Variants in RET observed in about 807,000 individuals in gnomAD.
The protein encoded by RET is ret proto-oncogene, also known as proto-oncogene tyrosine-protein kinase receptor Ret.
A neutral mutation model predicts 118.3 loss-of-function variants in RET; 19 were observed. That is an observed-to-expected ratio of 0.16 (90% CI 0.11 to 0.24). The LOEUF is 0.24. RET is among the 10% of genes least tolerant of loss of function. The probability of loss-of-function intolerance (pLI) is 1.00; values close to 1 mark genes in which losing one functional copy is unlikely to be tolerated. For missense variants in RET, 1,219 were observed against 1,502.1 expected (o/e 0.81, Z 3.12); for synonymous variants, 597 against 644.1 (o/e 0.93, Z 1.11).
intron 3 of RET, chr10:43,104,686 T>C: frequency 1.7e-6 from 1 of 593,230 alleles, no homozygotes; most frequent in East Asian, 2.9e-5. Flanking sequence ...GTCCTGGCTC[T>C]TCCCAACCAG....
intron 11 of RET, among the ~76,000 whole-genome samples, chr10:43,115,635 C>T (rs1229739041): frequency 1.3e-5 from 2 of 152,232 alleles, no homozygotes; most frequent in Non-Finnish European, 2.9e-5. Flanking sequence ...CCAGGAAGGC[C>T]GCACTGGTCT....
chr10:43,121,901 G>T, intron 15 of RET, 45 bp from the exon 16 acceptor site: 1 of 1,466,500 alleles, frequency 6.8e-7, no homozygotes, highest in Non-Finnish European at 9.6e-7. Context: ...CTCCTTCCTA[G>T]AGAGTTAGAG....
rs200328158 is a variant in RET, at chr10:43,100,586, C to T, written c.201C>T (p.Arg67=). The T allele has an allele frequency of 6.2e-7, 1 of 1,613,930 alleles. No individual in the cohort carries two copies. Among genetic ancestry groups the T allele is most frequent in the African/African-American group, 1.3e-5 (1 of 75,060 alleles). ...RDAPEEVPSF[R]LGQHLYGTYR... ...CCCCTGAGGAGGTGCCCAGCTTCCG[C>T]CTGGGCCAGCATCTCTACGGCACGT... Residue 67 remains arginine, a synonymous_variant, in exon 2 of 20, where the codon CGC becomes CGT. Coordinates refer to ENST00000355710, the MANE Select transcript of RET (RefSeq NM_020975.6).
intron 1 of RET, among the ~76,000 whole-genome samples, chr10:43,092,191 T>C (rs550224660): frequency 1.3e-5 from 2 of 152,356 alleles, no homozygotes; most frequent in Non-Finnish European, 2.9e-5. Flanking sequence ...TCCTATGCCA[T>C]GGTTGAACCT....
chr10:43,097,470 C>G (rs1196403719), intron 1 of RET, among the ~76,000 whole-genome samples: 1 of 152,046 alleles, frequency 6.6e-6, no homozygotes, highest in African/African-American at 2.4e-5. Flanking sequence ...CTAGCATCCT[C>G]TCTGGGGTAA....
At chr10:43,098,022 T>C (rs146181920) in intron 1 of RET, among the ~76,000 whole-genome samples, 222 of 152,382 alleles carry the variant, frequency 1.5e-3, no homozygotes, top group African/African-American at 5.2e-3. Context: ...TAATGGATTT[T>C]AAGCATTTTT....
intron 1 of RET, among the ~76,000 whole-genome samples, chr10:43,082,645 G>A (rs1837210067): frequency 6.6e-6 from 1 of 152,186 alleles, no homozygotes; most frequent in East Asian, 1.9e-4. Flanking sequence ...CAGGAGCCAG[G>A]GTTCCAAGGA....
intron 1 of RET, among the ~76,000 whole-genome samples, chr10:43,080,009 G>A (rs1223025795): frequency 4.6e-5 from 7 of 152,166 alleles, no homozygotes; most frequent in Non-Finnish European, 2.9e-5. Context: ...GCCTGCTGGG[G>A]GCCTGCAAGC....
At chr10:43,087,688 C>T (rs887655987) in intron 1 of RET, among the ~76,000 whole-genome samples, 2 of 152,232 alleles carry the variant, frequency 1.3e-5, no homozygotes, top group African/African-American at 4.8e-5. Flanking sequence ...GATTTTCCTT[C>T]ACACCTGCTC....
chr10:43,122,080 G>C, intron 16 of RET, 64 bp downstream of exon 16: 1 of 1,273,152 alleles, frequency 7.9e-7, no homozygotes, highest in Non-Finnish European at 1.2e-6. Context: ...ATGTAGTGGG[G>C]CCACGACGCC....
rs1437698120 is a variant in RET, at chr10:43,106,157, G to C, written c.868-219G>C. ...AGGTCTGCATTGTACCTGTTACACA[G>C]GCGAGGCTCAGTGGCTCAGGGAAGG... On this transcript the variant is annotated intron_variant, in intron 4 of 19. Coordinates refer to ENST00000355710, the MANE Select transcript of RET (RefSeq NM_020975.6). This position sits in a 1 kb window ranked among gnomAD's most constrained non-coding sequence, Gnocchi z 5.1. Among the ~76,000 whole-genome samples, 1 of 152,236 alleles carries C rather than the reference G, an allele frequency of 6.6e-6. No individual in the cohort carries two copies. The highest frequency in any genetic ancestry group is 6.5e-5 in the Admixed American group (1 of 15,290).
Position 43,126,708 on chromosome 10 carries a change from A to T in RET, c.3173A>T (p.Glu1058Val), listed in dbSNP as rs780578577. Residue 1058 changes from glutamate to valine, a missense_variant, in exon 19 of 20, where the codon GAA becomes GTA. By Grantham distance (121) the Glu-to-Val change is moderately radical. This residue lies in a region of RET where 174 missense variants were observed against 179.3 expected (regional missense o/e 0.97). Transcript: ENST00000355710. Reference sequence around the variant, plus strand: ...CGAGCCCTCCCTTCCACATGGATTGAAAACAAACTCTATGGTAGAATTTCC... The same window carrying T: ...CGAGCCCTCCCTTCCACATGGATTGTAAACAAACTCTATGGTAGAATTTCC... ...LPRALPSTWI[E>V]NKLYGMSDPN... 6.2e-7 allele frequency: 1 copy of T among 1,613,886 alleles called. No individual in the cohort carries two copies. Among genetic ancestry groups the T allele is most frequent in the Non-Finnish European group, 8.5e-7 (1 of 1,179,994 alleles).
rs144981275 is a variant in RET, at chr10:43,106,516, C to G, written c.1008C>G (p.Asn336Lys). ...CCTTCCGGGTGGAACACTGGCCCAA[C>G]GAGACCTCGGTCCAGGCCAACGGCA... is the stretch of plus-strand genomic sequence containing the variant. The part of the protein sequence containing the change: ...QQTFRVEHWP[N>K]ETSVQANGSF... Residue 336 changes from asparagine to lysine, a missense_variant, in exon 5 of 20, where the codon AAC (asparagine) becomes AAG (lysine). By Grantham distance (94) the Asn-to-Lys change is moderately conservative. Around this residue, in one of 5 missense-constraint regions of RET, gnomAD observed 850 missense variants for 969.6 expected, o/e 0.88. Coordinates refer to ENST00000355710, the MANE Select transcript of RET (RefSeq NM_020975.6). The surrounding 1 kb of genome is among the most constrained non-coding windows in gnomAD (Gnocchi z 5.1). 9 of 1,613,678 alleles carry G rather than the reference C, an allele frequency of 5.6e-6. No individual in the cohort carries two copies. Among genetic ancestry groups the G allele is most frequent in the African/African-American group, 4.0e-5 (3 of 74,918 alleles).
At chr10:43,103,119 CAG>C (rs1186883012) in intron 3 of RET, among the ~76,000 whole-genome samples, 4 of 152,130 alleles carry the variant, frequency 2.6e-5, no homozygotes, top group Non-Finnish European at 5.9e-5. Context: ...CACTGAGCGA[CAG>C]GGAAGAGCTG....
Position 43,111,458 on chromosome 10 carries a change from G to A in RET, c.1515G>A (p.Glu505=), listed in dbSNP as rs924204743. 6.8e-6 allele frequency: 11 copies of A among 1,611,670 alleles called. No individual in the cohort carries two copies. In the South Asian group the frequency reaches 1.1e-4, roughly 16 times the overall value. The change falls in exon 7 of 20, where the codon GAG becomes GAA. Residue 505 remains glutamate (E), a synonymous_variant. Transcript: ENST00000355710. The part of the protein sequence containing the change: ...QAQAQLLVTV[E]GSYVAEEAGC... ...AGGCCCAGCTGCTTGTAACAGTGGA[G>A]GGGTCATGTGAGTGCCTGCTCCAGG...
chr10:43,092,684 C>G (rs1837435441), intron 1 of RET, among the ~76,000 whole-genome samples: 1 of 152,244 alleles, frequency 6.6e-6, no homozygotes, highest in South Asian at 2.1e-4. Context: ...CCGAGTGAGT[C>G]TGGCTGGCAG....
intron 11 of RET, among the ~76,000 whole-genome samples, chr10:43,115,231 G>A (rs1838044752): frequency 6.6e-6 from 1 of 152,244 alleles, no homozygotes; most frequent in Non-Finnish European, 1.5e-5. Flanking sequence ...CAGAGCCAAG[G>A]GTGTGAGTGA....
At position 43,112,801 on chromosome 10, in the gene RET, G is replaced by A. The variant is rs924511962; in HGVS notation, c.1649-52G>A. 7 of 1,425,948 alleles carry A rather than the reference G, an allele frequency of 4.9e-6. No individual in the cohort carries two copies. In the African/African-American group the frequency reaches 8.5e-5, roughly 17 times the overall value. 88.3% of individuals were successfully genotyped at this position (1,425,948 alleles called of 1,614,324 possible). On this transcript the variant is annotated intron_variant, in intron 8 of 19. Coordinates refer to ENST00000355710, the MANE Select transcript of RET (RefSeq NM_020975.6). ...AGGATCTGCCTAGGAGGTGGTGGGGGCGTGTGGCGGGGCTCCCACATGGGT... is the reference window on the plus strand; with the variant it reads ...AGGATCTGCCTAGGAGGTGGTGGGGACGTGTGGCGGGGCTCCCACATGGGT...
In RET at chr10:43,094,508, G is replaced by A. The variant is rs886174843; in HGVS notation, c.74-5951G>A. ...TTCGGCCCTTGTGCTGCCATCCTAG[G>A]GAAGTTTTTCATGGTCTGGAGCTCC... On this transcript the variant is annotated intron_variant, in intron 1 of 19. Coordinates refer to ENST00000355710, the MANE Select transcript of RET (RefSeq NM_020975.6). Among the ~76,000 whole-genome samples the A allele has an allele frequency of 5.9e-5, 9 of 152,270 alleles. No individual in the cohort carries two copies. In the South Asian group the frequency reaches 1.2e-3, roughly 21 times the overall value.
Sources: allele counts gnomAD v4.1 joint callset (sites outside exome capture counted in the v4.1 genomes callset), GRCh38; gene constraint gnomAD v4.1.1; regional missense constraint gnomAD v4.1.1; non-coding constraint Gnocchi (gnomAD v3.1); transcripts MANE v1.5; gene names NCBI Gene and HGNC (gene_info 2026-07-23, HGNC 2026-07-21).